Variants in MAP3K19 observed in about 807,000 individuals in gnomAD.
MAP3K19 encodes SPS1/STE20-related protein kinase YSK4.
MAP3K19 carries 91 observed loss-of-function variants against 114.4 expected under a neutral mutation model. The ratio of observed to expected loss-of-function variants is 0.80; its 90% CI spans 0.67 to 0.95. The LOEUF (loss-of-function observed/expected upper bound fraction) is 0.95, where lower values mean the gene tolerates loss of function less well. Among genes scored for constraint, MAP3K19 ranks in the 40% least tolerant of loss-of-function variants. The probability of loss-of-function intolerance (pLI) is 0.00; values close to 1 mark genes in which losing one functional copy is unlikely to be tolerated. For synonymous variants in MAP3K19, 518 were observed against 530.5 expected (o/e 0.98, Z 0.32); for missense variants, 1,471 against 1,573.2 (o/e 0.94, Z 1.10).
rs143565711 is a variant in MAP3K19 at position 134,999,897 on chromosome 2, A to G, written c.314+40T>C. On this transcript the variant is annotated intron_variant, in intron 7 of 12. Coordinates refer to ENST00000392915, the MANE Select transcript of MAP3K19 (RefSeq NM_025052.5). The surrounding 1 kb of genome is among the most constrained non-coding windows in gnomAD (Gnocchi z 4.1). ...TGCCATATGACTATCATTGCTTCAT[A>G]CTTCATTTCAAATCTGATACTTCAA... 2.3e-4 allele frequency: 305 copies of G among 1,311,832 alleles called. 1 individual carries two copies. In the African/African-American group the frequency reaches 4.0e-3, roughly 17 times the overall value. The allele number at this position is 1,311,832 out of a possible 1,614,324, so 81.3% of individuals were successfully genotyped here.
At chr2:135,041,521 G>C (rs984417859) in intron 1 of MAP3K19, among the ~76,000 whole-genome samples, 8 of 151,826 alleles carry the variant, frequency 5.3e-5, no homozygotes, top group African/African-American at 1.9e-4. Context: ...GTAGTTTTTG[G>C]TAGAGACGAG....
chr2:135,004,279 T>C (rs909610660), intron 6 of MAP3K19, among the ~76,000 whole-genome samples: 1 of 152,216 alleles, frequency 6.6e-6, no homozygotes, highest in African/African-American at 2.4e-5. Context: ...GCAAGGACCG[T>C]TCTGAAGGGT....
intron 12 of MAP3K19, among the ~76,000 whole-genome samples, chr2:134,966,282 A>G (rs1463873872): frequency 1.3e-5 from 2 of 151,950 alleles, no homozygotes; most frequent in African/African-American, 2.4e-5. Context: ...AGGTAGTTCT[A>G]TTTTTAGTTT....
At chr2:134,967,639 C>T (rs934039863) in intron 12 of MAP3K19, among the ~76,000 whole-genome samples, 1 of 152,120 alleles carries the variant, frequency 6.6e-6, no homozygotes, top group African/African-American at 2.4e-5. Flanking sequence ...TTCCTTATGA[C>T]TTAGATTGTA....
chr2:135,025,908 G>A (rs1032204039), intron 3 of MAP3K19, among the ~76,000 whole-genome samples: 2 of 152,104 alleles, frequency 1.3e-5, no homozygotes, highest in Non-Finnish European at 2.9e-5. Flanking sequence ...TTACAGTGAG[G>A]GAAACAATGA....
intron 12 of MAP3K19, among the ~76,000 whole-genome samples, chr2:134,970,888 C>T (rs1315562508): frequency 3.3e-5 from 5 of 152,260 alleles, no homozygotes; most frequent in Non-Finnish European, 7.4e-5. Context: ...TGAGCCACTG[C>T]GCCCAGCCTG....
intron 6 of MAP3K19, among the ~76,000 whole-genome samples, chr2:135,005,188 T>G (rs1397493551): frequency 6.6e-6 from 1 of 152,178 alleles, no homozygotes; most frequent in East Asian, 1.9e-4. Context: ...GGGGTACAAG[T>G]GCAGGTTTGT....
intron 2 of MAP3K19, among the ~76,000 whole-genome samples, chr2:135,037,051 C>T (rs1216855328): frequency 6.6e-6 from 1 of 151,388 alleles, no homozygotes; most frequent in Non-Finnish European, 1.5e-5. Context: ...GGCTGGAGTG[C>T]AGTGGCACTA....
Position 134,986,491 on chromosome 2 carries a change from T to A in MAP3K19, c.2381A>T (p.Gln794Leu), listed in dbSNP as rs1010103626. ...AGGGAATTCATTCTGTTTCATGGACTGCTCAGGTGTCTGAGCCAAGTTCAT... is the reference window on the plus strand; with the variant it reads ...AGGGAATTCATTCTGTTTCATGGACAGCTCAGGTGTCTGAGCCAAGTTCAT... ...HPMNLAQTPEQSMKQNEFPPV... is the reference protein window; with the variant it reads ...HPMNLAQTPELSMKQNEFPPV... The change falls in exon 10 of 13, where the codon CAG becomes CTG. Residue 794 changes from glutamine (Q) to leucine (L), a missense_variant. Coordinates refer to ENST00000392915, the MANE Select transcript of MAP3K19 (RefSeq NM_025052.5). 2 of 1,614,050 alleles carry A rather than the reference T, an allele frequency of 1.2e-6. No individual in the cohort carries two copies. Among genetic ancestry groups the A allele is most frequent in the African/African-American group, 2.7e-5 (2 of 74,954 alleles).
rs142199742 is a variant in MAP3K19 at position 134,981,188 on chromosome 2, G to A, written c.3553C>T (p.Arg1185Cys). ...AYLHENCVVH[R>C]DIKGNNVMLM... is the part of the protein sequence containing the mutation. ...ATAACATTATTTCCTTTGATATCGC[G>A]ATGTACCACACAGTTCTCATGGAGA... The change falls in exon 12 of 13, where the codon CGC (arginine) becomes TGC (cysteine). Residue 1185 changes from arginine (R) to cysteine (C), a missense_variant. Physicochemically the swap from Arg to Cys is radical, Grantham distance 180 (BLOSUM62 -3). Transcript: ENST00000392915. 9.9e-6 allele frequency: 16 copies of A among 1,613,902 alleles called. No homozygotes were observed. Among genetic ancestry groups the A allele is most frequent in the African/African-American group, 9.3e-5 (7 of 74,898 alleles).
chr2:134,975,716 G>C (rs1684191824), intron 12 of MAP3K19, among the ~76,000 whole-genome samples: 1 of 152,166 alleles, frequency 6.6e-6, no homozygotes, highest in Non-Finnish European at 1.5e-5. Flanking sequence ...TCATGGTTTG[G>C]CTTCTGGTGG....
chr2:134,972,387 C>T (rs1198269275), intron 12 of MAP3K19, among the ~76,000 whole-genome samples: 2 of 152,106 alleles, frequency 1.3e-5, no homozygotes, highest in South Asian at 2.1e-4. Flanking sequence ...TTTCACTTAA[C>T]ATAATCTGAT....
chr2:135,009,047 G>A (rs1044716895), intron 5 of MAP3K19, among the ~76,000 whole-genome samples: 3 of 151,996 alleles, frequency 2.0e-5, no homozygotes, highest in Non-Finnish European at 2.9e-5. Context: ...CACCTTCCAG[G>A]TTCAAGCGAT....
chr2:134,965,776 C>T (rs1573889998), intron 12 of MAP3K19, among the ~76,000 whole-genome samples: 1 of 152,300 alleles, frequency 6.6e-6, no homozygotes, highest in Non-Finnish European at 1.5e-5. Flanking sequence ...ATACAGAATA[C>T]ATTGTTGTTA....
rs1559180870 is a variant in MAP3K19 at position 135,013,323 on chromosome 2, A to AAG, written c.139-7793_139-7792insCT. ...TAAGAGTCCGTCCCAAAAAAAAAAA[A>AAG]AAGAAGAAGAAGAAGAAGAACAAGG... On this transcript the variant is annotated intron_variant, in intron 5 of 12. Coordinates refer to ENST00000392915, the MANE Select transcript of MAP3K19 (RefSeq NM_025052.5). Among the ~76,000 whole-genome samples, 3 of 149,510 alleles carry AAG rather than the reference A, an allele frequency of 2.0e-5. No homozygotes were observed. In the East Asian group the frequency reaches 5.9e-4, roughly 30 times the overall value.
intron 3 of MAP3K19, among the ~76,000 whole-genome samples, chr2:135,025,805 A>G (rs998149685): frequency 1.0e-4 from 6 of 57,686 alleles, no homozygotes; most frequent in Non-Finnish European, 1.7e-4. Context: ...ATGACAGCAC[A>G]AGTCTCTTCT....
chr2:135,005,414 T>A, intron 6 of MAP3K19, 21 bp downstream of exon 6: 1 of 1,547,108 alleles, frequency 6.5e-7, no homozygotes, highest in Non-Finnish European at 8.9e-7. Context: ...TGTAAACACA[T>A]CAAGGAGTAA....
intron 6 of MAP3K19, among the ~76,000 whole-genome samples, chr2:135,003,774 G>C (rs1018543490): frequency 6.6e-6 from 1 of 152,146 alleles, no homozygotes; most frequent in African/African-American, 2.4e-5. Flanking sequence ...GGCTGGTCTT[G>C]AACTCCTGAC....
chr2:134,989,210 G>A (rs1483119390), intron 9 of MAP3K19, among the ~76,000 whole-genome samples: 1 of 152,102 alleles, frequency 6.6e-6, no homozygotes, highest in African/African-American at 2.4e-5. Context: ...GTAACCCAAT[G>A]TATAATATTA....
Sources: gnomAD v4.1 joint callset for allele counts (sites outside exome capture counted in the v4.1 genomes callset) on GRCh38, gnomAD v4.1.1 for gene constraint, Gnocchi (gnomAD v3.1) non-coding constraint, MANE v1.5 for transcripts, NCBI Gene and HGNC (gene_info 2026-07-23, HGNC 2026-07-21) for gene names.